The following SUMF1 variants were observed in gnomAD, a reference collection of about 807,000 sequenced individuals.
The protein encoded by SUMF1 is formylglycine-generating enzyme.
Under a neutral mutation model 47.6 loss-of-function variants are expected in SUMF1, and 48 were observed. The observed-to-expected ratio is 1.01, with a 90% CI of 0.80 to 1.28. The LOEUF is 1.28. Ranked by LOEUF, SUMF1 falls within the 50% of genes most tolerant of loss-of-function variation. The pLI, the probability that SUMF1 is intolerant of heterozygous loss-of-function variation, is 0.00. For synonymous variants in SUMF1, 230 were observed against 192.1 expected (o/e 1.20, Z -1.63); for missense variants, 571 against 485.4 (o/e 1.18, Z -1.66).
chr3:4,239,683 G>A (rs962395776), intron 8 of SUMF1, among the ~76,000 whole-genome samples: 1 of 152,010 alleles, frequency 6.6e-6, no homozygotes, highest in Non-Finnish European at 1.5e-5. Flanking sequence ...GAGATGATGG[G>A]GTTTTGTAAA....
intron 9 of SUMF1, among the ~76,000 whole-genome samples, chr3:4,047,014 C>A (rs578002849): frequency 6.6e-6 from 1 of 151,994 alleles, no homozygotes. Context: ...GGGATTTGTG[C>A]CACACCAAAC....
intron 8 of SUMF1, among the ~76,000 whole-genome samples, chr3:4,329,106 G>A (rs184532166): frequency 1.2e-4 from 18 of 152,326 alleles, no homozygotes; most frequent in Admixed American, 1.2e-3. Context: ...GGCTTTGCAG[G>A]GTACAGCCCT....
At chr3:4,416,128 A>G (rs1701703594) in intron 6 of SUMF1, among the ~76,000 whole-genome samples, 1 of 152,182 alleles carries the variant, frequency 6.6e-6, no homozygotes, top group Non-Finnish European at 1.5e-5. Context: ...TTTCTTATAC[A>G]CCAATAGAGG....
intron 8 of SUMF1, among the ~76,000 whole-genome samples, chr3:4,216,482 C>T (rs1208925722): frequency 6.6e-6 from 1 of 152,070 alleles, no homozygotes; most frequent in Non-Finnish European, 1.5e-5. Context: ...TAGGCATGGG[C>T]AAAGACTTCA....
intron 3 of SUMF1, among the ~76,000 whole-genome samples, chr3:4,438,829 T>G (rs374228734): frequency 2.1e-4 from 32 of 152,114 alleles, no homozygotes; most frequent in African/African-American, 7.5e-4. Context: ...TATAGAATAT[T>G]GCACCCAATT....
At chr3:4,249,534 A>C (rs1696746303) in intron 8 of SUMF1, among the ~76,000 whole-genome samples, 1 of 152,192 alleles carries the variant, frequency 6.6e-6, no homozygotes, top group Non-Finnish European at 1.5e-5. Context: ...AATCACGTCC[A>C]TATAAGATGG....
At chr3:4,185,397 A>G (rs765628830) in intron 8 of SUMF1, among the ~76,000 whole-genome samples, 8 of 152,170 alleles carry the variant, frequency 5.3e-5, no homozygotes, top group Non-Finnish European at 1.2e-4. Flanking sequence ...TGAATCTAAC[A>G]ACTAAGATGT....
intron 8 of SUMF1, among the ~76,000 whole-genome samples, chr3:4,328,218 AAAAT>A (rs1426608115): frequency 1.3e-5 from 2 of 152,136 alleles, no homozygotes; most frequent in Non-Finnish European, 2.9e-5. Flanking sequence ...ACCCTGTCTC[AAAAT>A]AAATAAATAT....
At chr3:4,413,255 C>G (rs1288404167) in intron 6 of SUMF1, among the ~76,000 whole-genome samples, 2 of 152,122 alleles carry the variant, frequency 1.3e-5, no homozygotes, top group African/African-American at 2.4e-5. Context: ...AACCTCTTGT[C>G]TCAGCCTTCC....
intron 8 of SUMF1, among the ~76,000 whole-genome samples, chr3:4,166,608 G>A (rs1291912705): frequency 1.3e-5 from 2 of 152,114 alleles, no homozygotes; most frequent in Non-Finnish European, 2.9e-5. Flanking sequence ...TTAGAAGCAT[G>A]ACTAGCCTCA....
chr3:4,130,816 G>C (rs943820510), intron 8 of SUMF1, among the ~76,000 whole-genome samples: 1 of 152,236 alleles, frequency 6.6e-6, no homozygotes, highest in Admixed American at 6.5e-5. Context: ...GTGATCCAAA[G>C]GCTACCAGTT....
chr3:4,166,194 A>T (rs929680286), intron 8 of SUMF1, among the ~76,000 whole-genome samples: 2 of 152,156 alleles, frequency 1.3e-5, no homozygotes, highest in African/African-American at 4.8e-5. Context: ...AAAACCTGTT[A>T]GAGTCCTAAG....
chr3:4,197,860 A>C (rs1244531825), intron 8 of SUMF1, among the ~76,000 whole-genome samples: 1 of 152,140 alleles, frequency 6.6e-6, no homozygotes, highest in African/African-American at 2.4e-5. Context: ...TTCAACTCCA[A>C]CTGTGATCCA....
intron 8 of SUMF1, among the ~76,000 whole-genome samples, chr3:4,193,593 AAAAT>A (rs1695367627): frequency 1.3e-5 from 2 of 152,194 alleles, no homozygotes; most frequent in Admixed American, 1.3e-4. Flanking sequence ...TAATAAAAAT[AAAAT>A]AAATAAACAG....
chr3:4,442,593 G>A (rs1265229222), intron 3 of SUMF1, among the ~76,000 whole-genome samples: 3 of 118,710 alleles, frequency 2.5e-5, no homozygotes, highest in Non-Finnish European at 5.2e-5. Flanking sequence ...GAAATCTCAA[G>A]AGACAAAACC....
At chr3:4,302,543 G>A (rs1299207951) in intron 8 of SUMF1, among the ~76,000 whole-genome samples, 1 of 152,086 alleles carries the variant, frequency 6.6e-6, no homozygotes, top group East Asian at 1.9e-4. Context: ...ATGCTGGCTG[G>A]CTTTTCCTGA....
intron 8 of SUMF1, among the ~76,000 whole-genome samples, chr3:4,176,860 G>C (rs1694976640): frequency 6.6e-6 from 1 of 152,002 alleles, no homozygotes; most frequent in South Asian, 2.1e-4. Flanking sequence ...CGAACAAATG[G>C]AAAGCATAAA....
chr3:4,447,411 T>TA (rs999201667), intron 3 of SUMF1, among the ~76,000 whole-genome samples: 1 of 152,196 alleles, frequency 6.6e-6, no homozygotes, highest in Non-Finnish European at 1.5e-5. Flanking sequence ...TCTTTCTTTC[T>TA]AACTTAATCA....
chr3:4,323,288 C>G (rs995130847), intron 8 of SUMF1, among the ~76,000 whole-genome samples: 3 of 152,136 alleles, frequency 2.0e-5, no homozygotes, highest in Non-Finnish European at 4.4e-5. Flanking sequence ...CCGGACACAA[C>G]AGGTCACATT....
Sources: allele counts gnomAD v4.1 joint callset (sites outside exome capture counted in the v4.1 genomes callset), GRCh38; gene constraint gnomAD v4.1.1; transcripts MANE v1.5; gene names NCBI Gene and HGNC (gene_info 2026-07-23, HGNC 2026-07-21).